Variants in RBFOX1 observed in about 807,000 individuals in gnomAD.
The protein encoded by RBFOX1 is RNA binding fox-1 homolog 1, also known as RNA binding protein fox-1 homolog 1.
In RBFOX1, 8 loss-of-function variants were observed where a neutral mutation model predicts 57.7. The ratio of observed to expected loss-of-function variants is 0.14; its 90% confidence interval spans 0.08 to 0.25. The LOEUF is 0.25. RBFOX1 is among the 10% of genes least tolerant of loss of function. The pLI, the probability that RBFOX1 is intolerant of heterozygous loss-of-function variation, is 1.00. For missense variants in RBFOX1, 611 were observed against 548.5 expected (o/e 1.11, Z -1.14); for synonymous variants, 326 against 222.4 (o/e 1.47, Z -4.15).
chr16:6,596,366 C>G (rs1005678442), intron 2 of RBFOX1, among the ~76,000 whole-genome samples: 2 of 152,144 alleles, frequency 1.3e-5, no homozygotes, highest in Non-Finnish European at 2.9e-5. Context: ...ATTGAAAATC[C>G]TATTTTCTCA....
At position 5,669,422 on chromosome 16, in the gene RBFOX1, C is replaced by CTTTT. The variant is rs34318850; in HGVS notation, c.318+70476_318+70479dup. Reference sequence around the variant, plus strand: ...GCCAAAGAGAATGAGAACAAGTTGGCTTTTTTTTTTTTTTTTTTGGAGACA... The same window carrying CTTTT: ...GCCAAAGAGAATGAGAACAAGTTGGCTTTTTTTTTTTTTTTTTTTTTTGGAGACA... On this transcript the variant is annotated intron_variant, in intron 3 of 19. Transcript: ENST00000641259. 1.3e-3 allele frequency among the ~76,000 whole-genome samples: 156 copies of CTTTT among 118,482 alleles called. 7 individuals carry two copies. The highest frequency in any genetic ancestry group is 3.7e-3 in the African/African-American group (114 of 30,880). 77.7% of individuals were successfully genotyped at this position (118,482 alleles called of 152,430 possible).
intron 2 of RBFOX1, among the ~76,000 whole-genome samples, chr16:6,599,712 C>G (rs1159923576): frequency 6.6e-6 from 1 of 152,224 alleles, no homozygotes; most frequent in Non-Finnish European, 1.5e-5. Context: ...TTCTCCACTA[C>G]TCTGTTTCCC....
downstream of RBFOX1, among the ~76,000 whole-genome samples, chr16:5,603,162 G>T (rs2047424088): frequency 6.6e-6 from 1 of 152,178 alleles, no homozygotes; most frequent in Non-Finnish European, 1.5e-5. Flanking sequence ...CCCAGAAAGG[G>T]CTTTCCCTGG....
At chr16:6,417,170 C>G (rs940900471) in intron 2 of RBFOX1, among the ~76,000 whole-genome samples, 1 of 152,050 alleles carries the variant, frequency 6.6e-6, no homozygotes, top group African/African-American at 2.4e-5. Context: ...CGCCACCATG[C>G]CCAGTAAACT....
intron 4 of RBFOX1, among the ~76,000 whole-genome samples, chr16:5,925,338 G>T (rs989321302): frequency 6.6e-6 from 1 of 152,188 alleles, no homozygotes; most frequent in Admixed American, 6.5e-5. Flanking sequence ...AAGGAATGAA[G>T]TTCTCACCCA....
chr16:6,904,311 C>T (rs2153417603), intron 3 of RBFOX1, among the ~76,000 whole-genome samples: 1 of 152,060 alleles, frequency 6.6e-6, no homozygotes, highest in African/African-American at 2.4e-5. Flanking sequence ...GAAACCCATC[C>T]ATCTTTAGGC....
chr16:7,246,465 T>C (rs1922581), intron 4 of RBFOX1, among the ~76,000 whole-genome samples: 15,510 of 152,100 alleles, frequency 0.1, 1,068 homozygotes, highest in East Asian at 0.19. Context: ...ATCAAACTCG[T>C]TGTTTTGCTT....
intron 2 of RBFOX1, among the ~76,000 whole-genome samples, chr16:6,367,851 C>G (rs1001095212): frequency 6.6e-6 from 1 of 152,122 alleles, no homozygotes; most frequent in Non-Finnish European, 1.5e-5. Context: ...TCCTATCTTC[C>G]CCCAGTTAAT....
At chr16:7,455,119 G>A (rs753672985) in intron 4 of RBFOX1, among the ~76,000 whole-genome samples, 22 of 152,202 alleles carry the variant, frequency 1.4e-4, no homozygotes, top group Non-Finnish European at 2.5e-4. Context: ...CCATCTTGAA[G>A]CCTCAGATTG....
intron 4 of RBFOX1, among the ~76,000 whole-genome samples, chr16:7,131,306 A>T (rs1474505341): frequency 7.4e-6 from 1 of 135,226 alleles, no homozygotes; most frequent in Non-Finnish European, 1.5e-5. Flanking sequence ...AGACCACACC[A>T]TTGCACTGCA....
chr16:6,394,202 G>A (rs2092723955), intron 2 of RBFOX1, among the ~76,000 whole-genome samples: 3 of 152,144 alleles, frequency 2.0e-5, no homozygotes, highest in Admixed American at 2.0e-4. Context: ...TTGACATATT[G>A]TTTGACCTTG....
At chr16:7,520,617 T>A (rs2077326219) in intron 5 of RBFOX1, among the ~76,000 whole-genome samples, 1 of 152,220 alleles carries the variant, frequency 6.6e-6, no homozygotes, top group Non-Finnish European at 1.5e-5. Flanking sequence ...TTCTGGTTCT[T>A]CTGAACACTC....
intron 3 of RBFOX1, among the ~76,000 whole-genome samples, chr16:7,010,482 C>G (rs115841239): frequency 0.022 from 3,320 of 152,036 alleles, 121 homozygotes; most frequent in African/African-American, 0.075. Flanking sequence ...TCTCTGGTGG[C>G]CAGTGAAGGA....
chr16:7,149,990 GC>G (rs1467582200), intron 4 of RBFOX1, among the ~76,000 whole-genome samples: 1 of 152,046 alleles, frequency 6.6e-6, no homozygotes, highest in Non-Finnish European at 1.5e-5. Flanking sequence ...TATTTCCTCT[GC>G]TAGAACCCTT....
intron 3 of RBFOX1, among the ~76,000 whole-genome samples, chr16:6,743,046 G>C (rs2072670759): frequency 6.6e-6 from 1 of 152,088 alleles, no homozygotes; most frequent in Non-Finnish European, 1.5e-5. Flanking sequence ...GTCACTAGCA[G>C]GATAGGGAAA....
chr16:5,788,519 G>C (rs1416974451), intron 3 of RBFOX1, among the ~76,000 whole-genome samples: 1 of 152,114 alleles, frequency 6.6e-6, no homozygotes, highest in Non-Finnish European at 1.5e-5. Flanking sequence ...GTCCCAGCTA[G>C]TTGGGAGGCT....
intron 1 of RBFOX1, among the ~76,000 whole-genome samples, chr16:6,044,257 C>T (rs150012939): frequency 3.0e-4 from 45 of 152,216 alleles, no homozygotes; most frequent in African/African-American, 1.0e-3. Flanking sequence ...TTGATGTGAA[C>T]CCCGAATCCT....
At chr16:7,443,763 C>G (rs1043171568) in intron 4 of RBFOX1, among the ~76,000 whole-genome samples, 3 of 152,036 alleles carry the variant, frequency 2.0e-5, no homozygotes, top group Non-Finnish European at 2.9e-5. Context: ...TGAGAGTTGC[C>G]CAGAAGAGAT....
chr16:6,720,740 A>T (rs1330756341), intron 3 of RBFOX1, among the ~76,000 whole-genome samples: 1 of 152,192 alleles, frequency 6.6e-6, no homozygotes, highest in East Asian at 1.9e-4. Context: ...TGGAAACATG[A>T]GCTTCATTTC....
Sources: gnomAD v4.1 joint callset for allele counts (sites outside exome capture counted in the v4.1 genomes callset) on GRCh38, gnomAD v4.1.1 for gene constraint, MANE v1.5 for transcripts, NCBI Gene and HGNC (gene_info 2026-07-23, HGNC 2026-07-21) for gene names.